Variants in TIGD1 observed in about 807,000 individuals in gnomAD.
TIGD1 encodes tigger transposable element-derived protein 1.
TIGD1 carries 20 observed loss-of-function variants against 21.3 expected under a neutral mutation model. That is an observed-to-expected ratio of 0.94 (90% CI 0.66 to 1.36). TIGD1 has a LOEUF of 1.36. TIGD1 is among the 40% of genes most tolerant of loss of function. TIGD1 has a pLI of 0.00. For missense variants in TIGD1, 556 were observed against 350.5 expected, an observed-to-expected ratio of 1.59 and a Z score of -4.68; for synonymous variants, 177 against 123.2, an observed-to-expected ratio of 1.44 and a Z score of -2.89.
chr2:232,546,308 C>CTTTTT lies in TIGD1; in HGVS notation c.*1794_*1798dup, dbSNP rs57021172. 742 of 94,764 alleles carry CTTTTT rather than the reference C, an allele frequency of 7.8e-3. 7 individuals are homozygous for CTTTTT. Among genetic ancestry groups the CTTTTT allele is most frequent in the African/African-American group, 0.025 (646 of 26,074 alleles). 5.9% of individuals were successfully genotyped at this position (94,764 alleles called of 1,614,324 possible). A position where few individuals can be genotyped will look rare whatever the true frequency, so the allele number is the denominator to read the frequency against. ...ACGATTTCCTGAGTTTTGTAATCCT[C>CTTTTT]TTTTTTTTTTTTTTTTTTTTAGTTT... On this transcript the variant is annotated 3_prime_UTR_variant, in exon 1 of 1. Transcript: ENST00000408957.
Position 232,549,539 on chromosome 2 carries a change from G to C in TIGD1, c.344C>G (p.Ser115Cys), listed in dbSNP as rs1559308588. The C allele has an allele frequency of 3.0e-6, 2 of 671,356 alleles. No homozygotes were observed. Among genetic ancestry groups the C allele is most frequent in the Non-Finnish European group, 2.7e-6 (1 of 374,932 alleles). The allele number at this position is 671,356 out of a possible 1,614,324, so 41.6% of individuals were successfully genotyped here. A position where few individuals can be genotyped will look rare whatever the true frequency, so the allele number is the denominator to read the frequency against. The stretch of plus-strand genomic sequence containing the variant: ...TTCCACACCTCTCTCAGCTTTCATA[G>C]AGTTGAAGAGAGTTAGGGCTTTGTT... ...IQNKALTLFN[S>C]MKAERGVEAA... Residue 115 changes from serine to cysteine, a missense_variant, in exon 1 of 1, where the codon TCT (serine) becomes TGT (cysteine). Coordinates refer to ENST00000408957, the MANE Select transcript of TIGD1 (RefSeq NM_145702.4).
chr2:232,546,132 G>C lies in TIGD1; in HGVS notation c.*1975C>G, dbSNP rs1261184734. 1 of 325,534 alleles carries C rather than the reference G, an allele frequency of 3.1e-6. No homozygotes were observed. Among genetic ancestry groups the C allele is most frequent in the Non-Finnish European group, 6.0e-6 (1 of 165,930 alleles). The allele number at this position is 325,534 out of a possible 1,614,324, so 20.2% of individuals were successfully genotyped here. ...AGAGGGCAGTCACAAGAGGTGTGAA[G>C]AGTAGCAGCCGATGCTCTCTCCAAA... On this transcript the variant is annotated 3_prime_UTR_variant, in exon 1 of 1. Coordinates refer to ENST00000408957, the MANE Select transcript of TIGD1 (RefSeq NM_145702.4).
Position 232,548,052 on chromosome 2 carries a change from A to C in TIGD1, c.*55T>G, listed in dbSNP as rs192806094. On this transcript the variant is annotated 3_prime_UTR_variant, in exon 1 of 1. Transcript: ENST00000408957. ...AAGAGTGCAATAGCATTGTCTAATA[A>C]AACAATATACATACCTAAATTTAAA... 4.5e-4 allele frequency: 260 copies of C among 574,576 alleles called. 2 individuals are homozygous for C. The East Asian group carries it at 5.7e-3, about 13-fold the overall frequency. The allele number at this position is 574,576 out of a possible 1,614,324, so 35.6% of individuals were successfully genotyped here.
Position 232,549,348 on chromosome 2 carries a change from T to C in TIGD1, c.535A>G (p.Thr179Ala), listed in dbSNP as rs759995566. 29 of 652,166 alleles carry C rather than the reference T, an allele frequency of 4.4e-5. No homozygotes were observed. The highest frequency in any genetic ancestry group is 6.3e-5 in the Non-Finnish European group (23 of 363,934). The allele number at this position is 652,166 out of a possible 1,614,324, so 40.4% of individuals were successfully genotyped here. Reference sequence around the variant, plus strand: ...TCTACATTGAAAATCTGTTGTTTAGTGTAGCCACCTTCGTCAATGATCTTA... The same window carrying C: ...TCTACATTGAAAATCTGTTGTTTAGCGTAGCCACCTTCGTCAATGATCTTA... ...LAKIIDEGGYTKQQIFNVDET... is the reference protein window; with the variant it reads ...LAKIIDEGGYAKQQIFNVDET... The change falls in exon 1 of 1, where the codon ACT becomes GCT. Residue 179 changes from threonine (T) to alanine (A), a missense_variant. By Grantham distance (58) the Thr-to-Ala change is moderately conservative (BLOSUM62 0). Coordinates refer to ENST00000408957, the MANE Select transcript of TIGD1 (RefSeq NM_145702.4).
rs1363583790 is a variant in TIGD1 at position 232,549,727 on chromosome 2, A to G, written c.156T>C (p.Asn52=). The stretch of plus-strand genomic sequence containing the variant: ...CTTCCTTCAAGAACTTTTCCTTTGC[A>G]TTTACAACTTGGCTAACTGTTTGCC... ...LLRQTVSQVV[N]AKEKFLKEVK... The change falls in exon 1 of 1, where the codon AAT becomes AAC. Residue 52 remains asparagine (N), a synonymous_variant. Coordinates refer to ENST00000408957, the MANE Select transcript of TIGD1 (RefSeq NM_145702.4). 15 of 1,040,454 alleles carry G rather than the reference A, an allele frequency of 1.4e-5. No homozygotes were observed. The highest frequency in any genetic ancestry group is 2.1e-5 in the Non-Finnish European group (14 of 680,798). The allele number at this position is 1,040,454 out of a possible 1,614,324, so 64.5% of individuals were successfully genotyped here.
Position 232,547,890 on chromosome 2 carries a change from C to T in TIGD1, c.*217G>A, listed in dbSNP as rs1692158832. ...TGTCTCATGGGATCCATACAGCAAC[C>T]TAAGGAGGTAGGTCGAGGCATACCT... On this transcript the variant is annotated 3_prime_UTR_variant, in exon 1 of 1. Coordinates refer to ENST00000408957, the MANE Select transcript of TIGD1 (RefSeq NM_145702.4). 1 of 407,726 alleles carries T rather than the reference C, an allele frequency of 2.5e-6. No individual in the cohort carries two copies. The highest frequency in any genetic ancestry group is 2.1e-5 in the African/African-American group (1 of 48,642). The allele number at this position is 407,726 out of a possible 1,614,324, so 25.3% of individuals were successfully genotyped here. A position where few individuals can be genotyped will look rare whatever the true frequency, so the allele number is the denominator to read the frequency against.
rs1241552451 is a variant in TIGD1, at chr2:232,549,113, A to G, written c.770T>C (p.Val257Ala). The G allele has an allele frequency of 1.4e-6, 1 of 716,084 alleles. No individual in the cohort carries two copies. Among genetic ancestry groups the G allele is most frequent in the South Asian group, 1.5e-5 (1 of 67,426 alleles). The allele number at this position is 716,084 out of a possible 1,614,324, so 44.4% of individuals were successfully genotyped here. A position where few individuals can be genotyped will look rare whatever the true frequency, so the allele number is the denominator to read the frequency against. The change falls in exon 1 of 1, where the codon GTG (valine) becomes GCG (alanine). Residue 257 changes from valine (V) to alanine (A), a missense_variant. Val to Ala is a moderately conservative substitution (Grantham distance 64). Transcript: ENST00000408957. Reference sequence around the variant, plus strand: ...GGCTTTGCTGTTCCATTTATATAGCACGGGTAGAGTAGATTTAGTATAATT... The same window carrying G: ...GGCTTTGCTGTTCCATTTATATAGCGCGGGTAGAGTAGATTTAGTATAATT... ...LKNYTKSTLPVLYKWNSKARM... is the reference protein window; with the variant it reads ...LKNYTKSTLPALYKWNSKARM...
chr2:232,544,959 A>G lies in TIGD1; in HGVS notation c.*3148T>C. 6.2e-7 allele frequency: 1 copy of G among 1,610,030 alleles called. No homozygotes were observed. Among genetic ancestry groups the G allele is most frequent in the Non-Finnish European group, 8.5e-7 (1 of 1,178,036 alleles). ...GTGAGTACCTGGGCTTGGAACCGTG[A>G]TAGAGACAGGATGAGTGGGGTTGCC... On this transcript the variant is annotated 3_prime_UTR_variant, in exon 1 of 1. Coordinates refer to ENST00000408957, the MANE Select transcript of TIGD1 (RefSeq NM_145702.4).
In TIGD1 at chr2:232,545,739, T is replaced by A. The variant is rs1459650566; in HGVS notation, c.*2368A>T. 6.2e-7 allele frequency: 1 copy of A among 1,613,248 alleles called. No individual in the cohort carries two copies. Among genetic ancestry groups the A allele is most frequent in the East Asian group, 2.2e-5 (1 of 44,892 alleles). On this transcript the variant is annotated 3_prime_UTR_variant, in exon 1 of 1. Transcript: ENST00000408957. ...TGAGCCAACCAACCACTGTGGGGCA[T>A]GTGGGAGTCACACACGTGGGTCACA...
chr2:232,544,658 C>G lies in TIGD1; in HGVS notation c.*3449G>C, dbSNP rs962372809. On this transcript the variant is annotated 3_prime_UTR_variant, in exon 1 of 1. Transcript: ENST00000408957. The stretch of plus-strand genomic sequence containing the variant: ...GGGAGCCAGGCACAGCAGATGAGTG[C>G]TGGAGAAGTGCCCAGGTCAGGGAGA... The G allele has an allele frequency of 6.4e-7, 1 of 1,563,628 alleles. No individual in the cohort carries two copies. The highest frequency in any genetic ancestry group is 8.8e-7 in the Non-Finnish European group (1 of 1,136,140).
In TIGD1 at chr2:232,545,863, T is replaced by C. The variant is rs1692123407; in HGVS notation, c.*2244A>G. 1.1e-6 allele frequency: 1 copy of C among 932,394 alleles called. No individual in the cohort carries two copies. The highest frequency in any genetic ancestry group is 2.6e-5 in the East Asian group (1 of 38,794). The allele number at this position is 932,394 out of a possible 1,614,324, so 57.8% of individuals were successfully genotyped here. On this transcript the variant is annotated 3_prime_UTR_variant, in exon 1 of 1. Coordinates refer to ENST00000408957, the MANE Select transcript of TIGD1 (RefSeq NM_145702.4). ...TGAGCCAAACAGCCCTGAGAAAAGC[T>C]GGGGAAACAGTCTGAGCTGGAGTCC...
In TIGD1 at chr2:232,550,518, A is replaced by C; in HGVS notation, c.-636T>G. 1.6e-6 allele frequency: 1 copy of C among 630,162 alleles called. No individual in the cohort carries two copies. The highest frequency in any genetic ancestry group is 2.8e-6 in the Non-Finnish European group (1 of 360,000). 39.0% of individuals were successfully genotyped at this position (630,162 alleles called of 1,614,324 possible). The stretch of plus-strand genomic sequence containing the variant: ...AAGGACCTGGACAGAGGCAGAACTG[A>C]GGCCAGCAGCCAGCTCCGCCGCTGA... On this transcript the variant is annotated 5_prime_UTR_variant, in exon 1 of 1. Coordinates refer to ENST00000408957, the MANE Select transcript of TIGD1 (RefSeq NM_145702.4).
In TIGD1 at chr2:232,549,768, T is replaced by C; in HGVS notation, c.115A>G (p.Arg39Gly). 1 of 1,508,932 alleles carries C rather than the reference T, an allele frequency of 6.6e-7. No individual in the cohort carries two copies. The highest frequency in any genetic ancestry group is 9.0e-7 in the Non-Finnish European group (1 of 1,108,644). The allele number at this position is 1,508,932 out of a possible 1,614,324, so 93.5% of individuals were successfully genotyped here. The change falls in exon 1 of 1, where the codon AGG (arginine) becomes GGG (glycine). Residue 39 changes from arginine to glycine, a missense_variant. Transcript: ENST00000408957. ...EGMSKAEIGR[R>G]LGLLRQTVSQ... ...ACTGTTTGCCGCAGGAGGCCTAGCCTTCGGCCTATCTCGGCTTTTGACATA... is the reference window on the plus strand; with the variant it reads ...ACTGTTTGCCGCAGGAGGCCTAGCCCTCGGCCTATCTCGGCTTTTGACATA...
Position 232,544,610 on chromosome 2 carries a change from G to T in TIGD1, c.*3497C>A, listed in dbSNP as rs772698702. On this transcript the variant is annotated 3_prime_UTR_variant, in exon 1 of 1. Coordinates refer to ENST00000408957, the MANE Select transcript of TIGD1 (RefSeq NM_145702.4). ...GACACACCAGGTGTGCCTGGGGACA[G>T]TCCTCCCCTGGGACCCCAGCTGGGG... The T allele has an allele frequency of 5.0e-6, 8 of 1,590,876 alleles. No homozygotes were observed. The highest frequency in any genetic ancestry group is 6.9e-6 in the Non-Finnish European group (8 of 1,160,454).
rs1266280617 is a variant in TIGD1 at position 232,549,927 on chromosome 2, G to C, written c.-45C>G. On this transcript the variant is annotated 5_prime_UTR_variant, in exon 1 of 1. Coordinates refer to ENST00000408957, the MANE Select transcript of TIGD1 (RefSeq NM_145702.4). ...CTAATCTCAATATTGTTGTGTCTCA[G>C]GGAATAGGGAGGCCCAAGAAGAGGG... 2 of 1,104,936 alleles carry C rather than the reference G, an allele frequency of 1.8e-6. No homozygotes were observed. The highest frequency in any genetic ancestry group is 3.2e-5 in the African/African-American group (2 of 63,300). The allele number at this position is 1,104,936 out of a possible 1,614,324, so 68.4% of individuals were successfully genotyped here.
Position 232,549,968 on chromosome 2 carries a change from G to A in TIGD1, c.-86C>T, listed in dbSNP as rs1009531165. 10 of 744,496 alleles carry A rather than the reference G, an allele frequency of 1.3e-5. No homozygotes were observed. Among genetic ancestry groups the A allele is most frequent in the South Asian group, 2.0e-5 (1 of 50,060 alleles). 46.1% of individuals were successfully genotyped at this position (744,496 alleles called of 1,614,324 possible). On this transcript the variant is annotated 5_prime_UTR_variant, in exon 1 of 1. Transcript: ENST00000408957. ...AAGAAGAGGGAGAGAGATGGGGAACGGTCTGTGGGTGGAGCGGTCAGAACA... is the reference window on the plus strand; with the variant it reads ...AAGAAGAGGGAGAGAGATGGGGAACAGTCTGTGGGTGGAGCGGTCAGAACA...
chr2:232,544,778 G>A lies in TIGD1; in HGVS notation c.*3329C>T. On this transcript the variant is annotated 3_prime_UTR_variant, in exon 1 of 1. Transcript: ENST00000408957. ...TACCCTTTCTCTTTATCAGAGAAAG[G>A]CCCGGAGTTAGGGCTGAGCCAGTTC... The A allele has an allele frequency of 6.2e-7, 1 of 1,613,936 alleles. No homozygotes were observed. The highest frequency in any genetic ancestry group is 8.5e-7 in the Non-Finnish European group (1 of 1,180,000).
Position 232,550,145 on chromosome 2 carries a change from A to C in TIGD1, c.-263T>G. On this transcript the variant is annotated 5_prime_UTR_variant, in exon 1 of 1. Coordinates refer to ENST00000408957, the MANE Select transcript of TIGD1 (RefSeq NM_145702.4). ...TTTAAATATTTTGAGAATTACCAAA[A>C]TGTAACACAGAGACACCAAGTGAGC... is the stretch of plus-strand genomic sequence containing the variant. 2.6e-6 allele frequency: 1 copy of C among 387,250 alleles called. No individual in the cohort carries two copies. Among genetic ancestry groups the C allele is most frequent in the Non-Finnish European group, 4.8e-6 (1 of 209,374 alleles). 24.0% of individuals were successfully genotyped at this position (387,250 alleles called of 1,614,324 possible). A position where few individuals can be genotyped will look rare whatever the true frequency, so the allele number is the denominator to read the frequency against.
Position 232,545,906 on chromosome 2 carries a change from G to A in TIGD1, c.*2201C>T. ...TGGAGTCCGAGAGTGGTTGGGGGTG[G>A]GCCGTGGCTAGTGTCCTGCTGCAGT... On this transcript the variant is annotated 3_prime_UTR_variant, in exon 1 of 1. Transcript: ENST00000408957. The A allele has an allele frequency of 1.4e-6, 1 of 708,066 alleles. No homozygotes were observed. Among genetic ancestry groups the A allele is most frequent in the Non-Finnish European group, 2.5e-6 (1 of 405,678 alleles). 43.9% of individuals were successfully genotyped at this position (708,066 alleles called of 1,614,324 possible). A position where few individuals can be genotyped will look rare whatever the true frequency, so the allele number is the denominator to read the frequency against.
Sources: allele counts gnomAD v4.1 joint callset, GRCh38; gene constraint gnomAD v4.1.1; transcripts MANE v1.5; gene names NCBI Gene and HGNC (gene_info 2026-07-23, HGNC 2026-07-21).